The following GPR26 variants were observed in gnomAD, a reference collection of about 807,000 sequenced individuals.
GPR26 encodes the protein G protein-coupled receptor 26.
In GPR26, 15 loss-of-function variants were observed where a neutral mutation model predicts 23.1. The ratio of observed to expected loss-of-function variants is 0.65; its 90% CI spans 0.43 to 1.00. The LOEUF (loss-of-function observed/expected upper bound fraction) is 1.00, where lower values mean the gene tolerates loss of function less well. Ranked by LOEUF, GPR26 falls within the 50% of genes least tolerant of loss-of-function variation. GPR26 has a pLI of 0.00. For missense variants in GPR26, 359 were observed against 470.5 expected (o/e 0.76, Z 2.19); for synonymous variants, 228 against 222.1 (o/e 1.03, Z -0.24).
At chr10:123,670,747 G>GGGCACACAGATGGCACAGTCTATCCTCA (rs1397636177) in intron 1 of GPR26, among the ~76,000 whole-genome samples, 3 of 152,198 alleles carry the variant, frequency 2.0e-5, no homozygotes, top group African/African-American at 7.2e-5. Flanking sequence ...GCGTCTAGCT[G>GGGCACACAGATGGCACAGTCTATCCTCA]GGCACACAGA....
chr10:123,676,597 G>A (rs1845313309), intron 2 of GPR26, among the ~76,000 whole-genome samples: 1 of 152,216 alleles, frequency 6.6e-6, no homozygotes, highest in Non-Finnish European at 1.5e-5. Context: ...AGAACCAGTA[G>A]TCTAGACCCA....
Position 123,688,635 on chromosome 10 carries a change from T to A in GPR26, c.*475T>A. The stretch of plus-strand genomic sequence containing the variant: ...TTTGGCCCGGATCTAACATGGCACC[T>A]CGTCTCCACAGGGTAGTGGTGGCTG... On this transcript the variant is annotated 3_prime_UTR_variant, in exon 3 of 3. Coordinates refer to ENST00000284674, the MANE Select transcript of GPR26 (RefSeq NM_153442.4). 1 of 170,794 alleles carries A rather than the reference T, an allele frequency of 5.9e-6. No homozygotes were observed. The highest frequency in any genetic ancestry group is 1.6e-4 in the South Asian group (1 of 6,440). 10.6% of individuals were successfully genotyped at this position (170,794 alleles called of 1,614,324 possible).
At chr10:123,673,678 CCCATCATGTGGTGT>C in intron 1 of GPR26, among the ~76,000 whole-genome samples, 1 of 152,138 alleles carries the variant, frequency 6.6e-6, no homozygotes, top group South Asian at 2.1e-4. Flanking sequence ...CTTCAATGAC[CCCATCATGTGGTGT>C]CCATAGCTCC....
At chr10:123,683,673 G>T (rs11248642) in intron 2 of GPR26, among the ~76,000 whole-genome samples, 2 of 152,092 alleles carry the variant, frequency 1.3e-5, no homozygotes, top group African/African-American at 4.8e-5. Context: ...CCTGGACTGC[G>T]GCAGCCAGCT....
rs763866860 is a variant in GPR26 at position 123,666,798 on chromosome 10, T to A, written c.391T>A (p.Trp131Arg). Residue 131 changes from tryptophan to arginine, a missense_variant, in exon 1 of 3, where the codon TGG becomes AGG. Physicochemically the swap from Trp to Arg is moderately radical, Grantham distance 101. Transcript: ENST00000284674. ...RDAALMVAYT[W>R]LHALTFPAAA... ...CGCGGCGCTCATGGTGGCCTACACGTGGCTGCACGCGCTCACCTTCCCAGC... is the reference window on the plus strand; with the variant it reads ...CGCGGCGCTCATGGTGGCCTACACGAGGCTGCACGCGCTCACCTTCCCAGC... The A allele has an allele frequency of 6.2e-7, 1 of 1,607,564 alleles. No individual in the cohort carries two copies. Among genetic ancestry groups the A allele is most frequent in the Non-Finnish European group, 8.5e-7 (1 of 1,178,052 alleles).
At chr10:123,675,569 G>C (rs1845294967) in intron 2 of GPR26, among the ~76,000 whole-genome samples, 2 of 152,148 alleles carry the variant, frequency 1.3e-5, no homozygotes, top group South Asian at 4.1e-4. Context: ...TCTCAAGCCA[G>C]CTTGCTCTAA....
chr10:123,680,283 G>A lies in GPR26; in HGVS notation c.782+5352G>A, dbSNP rs538143472. Among the ~76,000 whole-genome samples, 7 of 152,320 alleles carry A rather than the reference G, an allele frequency of 4.6e-5. No individual in the cohort carries two copies. The South Asian group carries it at 8.3e-4, about 18-fold the overall frequency. On this transcript the variant is annotated intron_variant, in intron 2 of 2. Transcript: ENST00000284674. The stretch of plus-strand genomic sequence containing the variant: ...TGTTTGAGCTAAGAAATGTATTACC[G>A]CAACAGGTTCAGCTGGATCTGACAT...
rs1248986672 is a variant in GPR26 at position 123,667,013 on chromosome 10, T to C, written c.606T>C (p.His202=). ...YLKVLKVARF[H]CKRIDVITMQ... is the part of the protein sequence containing the mutation. Reference sequence around the variant, plus strand: ...AGGTGCTCAAGGTGGCCCGCTTCCATTGCAAGCGCATCGACGTGATCACCA... The same window carrying C: ...AGGTGCTCAAGGTGGCCCGCTTCCACTGCAAGCGCATCGACGTGATCACCA... Residue 202 remains histidine, a synonymous_variant, in exon 1 of 3, where the codon CAT becomes CAC. Transcript: ENST00000284674. 1.2e-6 allele frequency: 2 copies of C among 1,611,500 alleles called. No individual in the cohort carries two copies. The highest frequency in any genetic ancestry group is 1.7e-6 in the Non-Finnish European group (2 of 1,178,978).
In GPR26 at chr10:123,688,213, G is replaced by T; in HGVS notation, c.*53G>T. On this transcript the variant is annotated 3_prime_UTR_variant, in exon 3 of 3. Transcript: ENST00000284674. ...GAATGAGGCAGCGGTGAGAAGAAGG[G>T]TGGGAGGGCGTGGGGGCCCCTGGGT... 1.1e-6 allele frequency: 1 copy of T among 943,444 alleles called. No homozygotes were observed. Among genetic ancestry groups the T allele is most frequent in the Non-Finnish European group, 1.7e-6 (1 of 602,458 alleles). The allele number at this position is 943,444 out of a possible 1,614,324, so 58.4% of individuals were successfully genotyped here.
chr10:123,683,785 A>C (rs2133930018), intron 2 of GPR26, among the ~76,000 whole-genome samples: 1 of 152,310 alleles, frequency 6.6e-6, no homozygotes, highest in South Asian at 2.1e-4. Flanking sequence ...TAGGAGTACA[A>C]GCACACAGGG....
intron 2 of GPR26, among the ~76,000 whole-genome samples, chr10:123,686,440 T>TC (rs1449713595): frequency 2.0e-5 from 3 of 152,114 alleles, no homozygotes; most frequent in Admixed American, 6.5e-5. Context: ...ATAGCCACAG[T>TC]CCCCCACAGG....
Position 123,689,040 on chromosome 10 carries a change from G to T in GPR26, c.*880G>T, listed in dbSNP as rs1845462017. The stretch of plus-strand genomic sequence containing the variant: ...TTTGTGACCTGAATTTACAGGAAGT[G>T]TTTCAACTTGTCTTATGCATCTTAT... On this transcript the variant is annotated 3_prime_UTR_variant, in exon 3 of 3. Coordinates refer to ENST00000284674, the MANE Select transcript of GPR26 (RefSeq NM_153442.4). 6.6e-6 allele frequency: 1 copy of T among 152,190 alleles called. No individual in the cohort carries two copies. Among genetic ancestry groups the T allele is most frequent in the South Asian group, 2.1e-4 (1 of 4,824 alleles). The allele number at this position is 152,190 out of a possible 1,614,324, so 9.4% of individuals were successfully genotyped here.
In GPR26 at chr10:123,666,480, C is replaced by A; in HGVS notation, c.73C>A (p.Leu25Met). 1 of 1,561,398 alleles carries A rather than the reference C, an allele frequency of 6.4e-7. No homozygotes were observed. Among genetic ancestry groups the A allele is most frequent in the East Asian group, 2.4e-5 (1 of 42,004 alleles). Residue 25 changes from leucine (L) to methionine (M), a missense_variant, in exon 1 of 3, where the codon CTG becomes ATG. Physicochemically the swap from Leu to Met is conservative, Grantham distance 15 (BLOSUM62 2). Transcript: ENST00000284674. ...TMGVSLLSNALVLLCLLHSAD... is the reference protein window; with the variant it reads ...TMGVSLLSNAMVLLCLLHSAD... ...GGGCGTCTCGCTGCTGTCCAACGCG[C>A]TGGTGCTGCTCTGCCTGCTGCACAG...
rs548866131 is a variant in GPR26, at chr10:123,670,370, A to G, written c.668+3295A>G. ...ATTCAACAGATCTAGAAAGTGTCTC[A>G]AGCTAAGACTCACACTCAGGTCTGC... On this transcript the variant is annotated intron_variant, in intron 1 of 2. Coordinates refer to ENST00000284674, the MANE Select transcript of GPR26 (RefSeq NM_153442.4). 3.3e-5 allele frequency among the ~76,000 whole-genome samples: 5 copies of G among 152,360 alleles called. No individual in the cohort carries two copies. The East Asian group carries it at 9.6e-4, about 29-fold the overall frequency.
In GPR26 at chr10:123,684,225, C is replaced by T. The variant is rs192888590; in HGVS notation, c.783-3704C>T. 1.6e-3 allele frequency among the ~76,000 whole-genome samples: 247 copies of T among 152,224 alleles called. 1 individual carries two copies. Among genetic ancestry groups the T allele is most frequent in the African/African-American group, 5.3e-3 (222 of 41,536 alleles). The stretch of plus-strand genomic sequence containing the variant: ...GAAGGTCTGGGCAGGTGGCAGGCAG[C>T]GATGTTTGTGGGGACAGGCCCTAAT... On this transcript the variant is annotated intron_variant, in intron 2 of 2. Coordinates refer to ENST00000284674, the MANE Select transcript of GPR26 (RefSeq NM_153442.4).
intron 1 of GPR26, among the ~76,000 whole-genome samples, chr10:123,670,712 G>A (rs552999802): frequency 2.6e-5 from 4 of 152,286 alleles, no homozygotes; most frequent in Admixed American, 2.6e-4. Context: ...ATGCACGTGT[G>A]TTGCTCACAA....
chr10:123,684,665 C>T (rs1170335351), intron 2 of GPR26, among the ~76,000 whole-genome samples: 1 of 152,198 alleles, frequency 6.6e-6, no homozygotes, highest in African/African-American at 2.4e-5. Flanking sequence ...CTGATCTCTG[C>T]CTTCGTGTTC....
chr10:123,686,505 C>T (rs1024426472), intron 2 of GPR26, among the ~76,000 whole-genome samples: 2 of 152,140 alleles, frequency 1.3e-5, no homozygotes, highest in Non-Finnish European at 2.9e-5. Context: ...ACTAGAGGGT[C>T]CTCAGAGTGG....
intron 2 of GPR26, among the ~76,000 whole-genome samples, chr10:123,679,565 C>T (rs951029866): frequency 6.6e-6 from 1 of 152,180 alleles, no homozygotes; most frequent in Non-Finnish European, 1.5e-5. Flanking sequence ...ATAGCCATGT[C>T]TCTATTGCAT....
Sources: allele counts gnomAD v4.1 joint callset (sites outside exome capture counted in the v4.1 genomes callset), GRCh38; gene constraint gnomAD v4.1.1; transcripts MANE v1.5; gene names NCBI Gene and HGNC (gene_info 2026-07-23, HGNC 2026-07-21).